Variants in RALYL observed in about 807,000 individuals in gnomAD.
RALYL encodes RNA-binding Raly-like protein.
Under a neutral mutation model 35.1 loss-of-function variants are expected in RALYL, and 29 were observed. That is an observed-to-expected ratio of 0.83 (90% CI 0.61 to 1.13). RALYL has a LOEUF of 1.13. RALYL is among the 50% of genes most tolerant of loss of function. RALYL has a pLI of 0.00. For missense variants in RALYL, 359 were observed against 360.4 expected (o/e 1.00, Z 0.03); for synonymous variants, 120 against 127.6 (o/e 0.94, Z 0.40).
chr8:84,823,207 G>T lies in RALYL; in HGVS notation c.365+18405G>T, dbSNP rs569834642. ...TATTTTAAATAAAAAATAAAAATTT[G>T]GTTCTTTACTGCAATAAGCCAGGAA... On this transcript the variant is annotated intron_variant, in intron 4 of 8. Coordinates refer to ENST00000521268, the MANE Select transcript of RALYL (RefSeq NM_173848.7). Among the ~76,000 whole-genome samples, 35 of 152,174 alleles carry T rather than the reference G, an allele frequency of 2.3e-4. No homozygotes were observed. In the South Asian group the frequency reaches 7.3e-3, roughly 32 times the overall value.
chr8:84,868,941 T>C (rs1479869605), intron 6 of RALYL, among the ~76,000 whole-genome samples: 2 of 152,076 alleles, frequency 1.3e-5, no homozygotes, highest in Non-Finnish European at 2.9e-5. Flanking sequence ...AATTGTATTA[T>C]GTATTATGTT....
chr8:84,650,215 T>C (rs1308441005), intron 2 of RALYL, among the ~76,000 whole-genome samples: 1 of 152,054 alleles, frequency 6.6e-6, no homozygotes, highest in African/African-American at 2.4e-5. Flanking sequence ...TATACAATCA[T>C]GTCATCTGCA....
Position 84,680,388 on chromosome 8 carries a change from T to C in RALYL, c.257-94191T>C, listed in dbSNP as rs575838591. 1.5e-3 allele frequency among the ~76,000 whole-genome samples: 225 copies of C among 152,298 alleles called. 1 individual carries two copies. Among genetic ancestry groups the C allele is most frequent in the African/African-American group, 5.2e-3 (218 of 41,562 alleles). The stretch of plus-strand genomic sequence containing the variant: ...CCAGTAATGGGATGGCTGGGTCAAA[T>C]GGTATTTCTAGTACTAGATCCCTGA... On this transcript the variant is annotated intron_variant, in intron 2 of 8. Transcript: ENST00000521268.
intron 1 of RALYL, among the ~76,000 whole-genome samples, chr8:84,413,312 A>G (rs1430274503): frequency 2.0e-5 from 3 of 151,598 alleles, no homozygotes; most frequent in Non-Finnish European, 4.4e-5. Flanking sequence ...CTAATTCCAA[A>G]GAATTATAAA....
rs145744354 is a variant in RALYL at position 84,495,574 on chromosome 8, C to T, written c.-23-33725C>T. Among the ~76,000 whole-genome samples, 15 of 152,088 alleles carry T rather than the reference C, an allele frequency of 9.9e-5. No individual in the cohort carries two copies. The East Asian group carries it at 1.2e-3, about 12-fold the overall frequency. ...TAATTTTTCACATTTTCCTGGCATA[C>T]GGAAGCTTTTAGAAACAGGGAACTA... On this transcript the variant is annotated intron_variant, in intron 1 of 8. Coordinates refer to ENST00000521268, the MANE Select transcript of RALYL (RefSeq NM_173848.7).
intron 1 of RALYL, among the ~76,000 whole-genome samples, chr8:84,473,087 G>C (rs1490766955): frequency 6.6e-6 from 1 of 151,948 alleles, no homozygotes; most frequent in Non-Finnish European, 1.5e-5. Context: ...GGGGGAAATG[G>C]GCAGGGCTAC....
chr8:84,666,620 A>G lies in RALYL; in HGVS notation c.257-107959A>G, dbSNP rs184870391. On this transcript the variant is annotated intron_variant, in intron 2 of 8. Coordinates refer to ENST00000521268, the MANE Select transcript of RALYL (RefSeq NM_173848.7). Reference sequence around the variant, plus strand: ...ATCAAAATGTCTGGTTATGGGACCAACCGTATGTATTTTAAAAATTTTCCC... The same window carrying G: ...ATCAAAATGTCTGGTTATGGGACCAGCCGTATGTATTTTAAAAATTTTCCC... Among the ~76,000 whole-genome samples the G allele has an allele frequency of 1.8e-3, 269 of 152,206 alleles. 1 individual carries two copies. The highest frequency in any genetic ancestry group is 6.0e-3 in the African/African-American group (248 of 41,568).
At chr8:84,304,493 CT>C (rs970469960) in intron 1 of RALYL, among the ~76,000 whole-genome samples, 2 of 152,106 alleles carry the variant, frequency 1.3e-5, no homozygotes, top group African/African-American at 4.8e-5. Flanking sequence ...CAATTATCTT[CT>C]TTAGAAAATG....
chr8:84,887,765 G>A lies in RALYL; in HGVS notation c.847G>A (p.Gly283Ser). The A allele has an allele frequency of 6.2e-7, 1 of 1,612,208 alleles. No homozygotes were observed. Among genetic ancestry groups the A allele is most frequent in the Non-Finnish European group, 8.5e-7 (1 of 1,179,238 alleles). ...GIEEDFDEDGGHELFLQIK is the reference protein window; with the variant it reads ...GIEEDFDEDGSHELFLQIK ...AGAGGAGGACTTCGATGAAGATGGG[G>A]GTCATGAGCTGGTAGGAAAGAAACA... The change falls in exon 8 of 9, where the codon GGT (glycine) becomes AGT (serine). Residue 283 changes from glycine (G) to serine (S), a missense_variant. Gly to Ser is a moderately conservative substitution (Grantham distance 56). Transcript: ENST00000521268.
chr8:84,602,456 C>T (rs1452900705), intron 2 of RALYL, among the ~76,000 whole-genome samples: 5 of 152,060 alleles, frequency 3.3e-5, no homozygotes, highest in African/African-American at 1.2e-4. Flanking sequence ...TGCAGTCAGA[C>T]CCTTAATGGA....
At chr8:84,257,165 A>G (rs1563621313) in intron 1 of RALYL, among the ~76,000 whole-genome samples, 1 of 151,652 alleles carries the variant, frequency 6.6e-6, no homozygotes, top group African/African-American at 2.4e-5. Context: ...AGAATTCGAG[A>G]TTTTTTTTAA....
rs190530200 is a variant in RALYL, at chr8:84,332,548, G to A, written c.-24+148124G>A. Among the ~76,000 whole-genome samples, 105 of 152,212 alleles carry A rather than the reference G, an allele frequency of 6.9e-4. 1 individual carries two copies. The highest frequency in any genetic ancestry group is 4.7e-3 in the Admixed American group (71 of 15,264). ...TTAAAAAGTCAATCTTACAGAAAAC[G>A]AGAAACCAGTCAATGAAGGAACAAG... On this transcript the variant is annotated intron_variant, in intron 1 of 8. Coordinates refer to ENST00000521268, the MANE Select transcript of RALYL (RefSeq NM_173848.7).
intron 2 of RALYL, among the ~76,000 whole-genome samples, chr8:84,612,920 A>G (rs565209105): frequency 1.3e-5 from 2 of 151,846 alleles, no homozygotes; most frequent in South Asian, 4.1e-4. Context: ...TGCATTTTCC[A>G]GTAAATACCA....
Position 84,323,435 on chromosome 8 carries a change from G to A in RALYL, c.-24+139011G>A, listed in dbSNP as rs1845236206. 2.0e-5 allele frequency among the ~76,000 whole-genome samples: 3 copies of A among 151,976 alleles called. No homozygotes were observed. The South Asian group carries it at 6.2e-4, about 31-fold the overall frequency. On this transcript the variant is annotated intron_variant, in intron 1 of 8. Transcript: ENST00000521268. Reference sequence around the variant, plus strand: ...TTAAATTTAAAAGAGCTTGTTAGAAGGGTTAGGATGAACTAAGTTTCTATA... The same window carrying A: ...TTAAATTTAAAAGAGCTTGTTAGAAAGGTTAGGATGAACTAAGTTTCTATA...
chr8:84,767,173 G>A (rs1374268375), intron 2 of RALYL, among the ~76,000 whole-genome samples: 1 of 152,156 alleles, frequency 6.6e-6, no homozygotes, highest in African/African-American at 2.4e-5. Context: ...TTAGTATTCT[G>A]GTGGATGACA....
rs1811934281 is a variant in RALYL, at chr8:84,184,363, G to A, written c.-85G>A. ...TTTTCTGGAAAAAAAAAAATGAAGT[G>A]CGGTTTGGTTTCCTTGTCAACGGAG... On this transcript the variant is annotated 5_prime_UTR_variant, in exon 1 of 9. Transcript: ENST00000521268. 1 of 151,056 alleles carries A rather than the reference G, an allele frequency of 6.6e-6. No homozygotes were observed. The highest frequency in any genetic ancestry group is 2.4e-5 in the African/African-American group (1 of 40,936). 9.4% of individuals were successfully genotyped at this position (151,056 alleles called of 1,614,324 possible). A position where few individuals can be genotyped will look rare whatever the true frequency, so the allele number is the denominator to read the frequency against.
At chr8:84,361,308 G>A (rs1207088267) in intron 1 of RALYL, among the ~76,000 whole-genome samples, 7 of 152,148 alleles carry the variant, frequency 4.6e-5, no homozygotes, top group African/African-American at 1.7e-4. Flanking sequence ...ATTTGTTCCA[G>A]CACTCCAATA....
intron 2 of RALYL, among the ~76,000 whole-genome samples, chr8:84,704,838 A>G (rs1840903412): frequency 6.6e-6 from 1 of 152,180 alleles, no homozygotes; most frequent in South Asian, 2.1e-4. Context: ...CACTGAAACA[A>G]TGCTTCTATG....
chr8:84,469,796 G>T (rs572144018), intron 1 of RALYL, among the ~76,000 whole-genome samples: 1 of 151,808 alleles, frequency 6.6e-6, no homozygotes, highest in Non-Finnish European at 1.5e-5. Flanking sequence ...GCGAGACTCC[G>T]TGGGCATAGG....
Sources: allele counts gnomAD v4.1 joint callset (sites outside exome capture counted in the v4.1 genomes callset), GRCh38; gene constraint gnomAD v4.1.1; transcripts MANE v1.5; gene names NCBI Gene and HGNC (gene_info 2026-07-23, HGNC 2026-07-21).